Variants in CSPG4 observed in about 807,000 individuals in gnomAD.
The protein encoded by CSPG4 is chondroitin sulfate proteoglycan 4 (melanoma-associated).
CSPG4 carries 74 observed loss-of-function variants against 139.3 expected under a neutral mutation model. The observed-to-expected ratio is 0.53, with a 90% CI of 0.44 to 0.64. The LOEUF (loss-of-function observed/expected upper bound fraction) is 0.64, where lower values mean the gene tolerates loss of function less well. Ranked by LOEUF, CSPG4 falls within the 30% of genes least tolerant of loss-of-function variation. CSPG4 has a pLI of 0.00. For synonymous variants in CSPG4, 1,234 were observed against 1,394.2 expected (o/e 0.89, Z 2.56); for missense variants, 2,565 against 3,148.3 (o/e 0.81, Z 4.43).
Position 75,676,551 on chromosome 15 carries a change from G to C in CSPG4, c.5968C>G (p.Leu1990Val). The change falls in exon 10 of 10, where the codon CTC becomes GTC. Residue 1990 changes from leucine to valine, a missense_variant. Around this residue, in one of 5 missense-constraint regions of CSPG4, gnomAD observed 2,316 missense variants for 2,818.2 expected, o/e 0.82. Coordinates refer to ENST00000308508, the MANE Select transcript of CSPG4 (RefSeq NM_001897.5). ...RLIQGPQYGH[L>V]LVGGRPTSAF... ...GAGGTGGGCCGCCCGCCCACCAGGA[G>C]ATGCCCATACTGGGGTCCCTGGATG... The C allele has an allele frequency of 6.2e-7, 1 of 1,613,742 alleles. No homozygotes were observed. The highest frequency in any genetic ancestry group is 8.5e-7 in the Non-Finnish European group (1 of 1,179,968).
rs927376755 is a variant in CSPG4 at position 75,685,823 on chromosome 15, C to T, written c.3790-122G>A. 8.3e-6 allele frequency: 9 copies of T among 1,078,538 alleles called. No individual in the cohort carries two copies. The Admixed American group carries it at 1.4e-4, about 17-fold the overall frequency. 66.8% of individuals were successfully genotyped at this position (1,078,538 alleles called of 1,614,324 possible). A position where few individuals can be genotyped will look rare whatever the true frequency, so the allele number is the denominator to read the frequency against. On this transcript the variant is annotated intron_variant, in intron 3 of 9. Transcript: ENST00000308508. The stretch of plus-strand genomic sequence containing the variant: ...GCCCCACTTATTCCTCTAGATACCA[C>T]TGCTCATTTAGACACACAAACACAC...
In CSPG4 at chr15:75,690,172, A is replaced by C; in HGVS notation, c.893T>G (p.Ile298Ser). The change falls in exon 3 of 10, where the codon ATC (isoleucine) becomes AGC (serine). Residue 298 changes from isoleucine to serine, a missense_variant. This residue lies in a region of CSPG4 where 2,316 missense variants were observed against 2,818.2 expected (regional missense o/e 0.82). Coordinates refer to ENST00000308508, the MANE Select transcript of CSPG4 (RefSeq NM_001897.5). ...ATGCGTAGGGTACTGGTCCACGGAG[A>C]TTTCCAGCCGGTGAGCATTGATGTG... ...SVHINAHRLEISVDQYPTHTS... is the reference protein window; with the variant it reads ...SVHINAHRLESSVDQYPTHTS... The C allele has an allele frequency of 6.2e-7, 1 of 1,600,456 alleles. No individual in the cohort carries two copies. The highest frequency in any genetic ancestry group is 8.5e-7 in the Non-Finnish European group (1 of 1,177,330).
intron 1 of CSPG4, among the ~76,000 whole-genome samples, chr15:75,695,435 T>C (rs1894213251): frequency 6.6e-6 from 1 of 152,142 alleles, no homozygotes; most frequent in Non-Finnish European, 1.5e-5. Context: ...GCCCTGCTGC[T>C]TCCTGTGGGG....
chr15:75,707,662 A>G (rs569153291), intron 1 of CSPG4, among the ~76,000 whole-genome samples: 1 of 152,352 alleles, frequency 6.6e-6, no homozygotes, highest in East Asian at 1.9e-4. Context: ...CTTAGTACCA[A>G]TCTTCATGGA....
chr15:75,685,850 C>T (rs1314003418), intron 3 of CSPG4, 149 bp from the exon 4 acceptor site: 8 of 878,612 alleles, frequency 9.1e-6, no homozygotes, highest in South Asian at 5.5e-5. Context: ...CAAACACACA[C>T]GTGGGTTCAC....
chr15:75,682,845 C>G lies in CSPG4; in HGVS notation c.4646G>C (p.Arg1549Thr), dbSNP rs1222786399. The change falls in exon 6 of 10, where the codon AGA becomes ACA. Residue 1549 changes from arginine to threonine, a missense_variant and splice_region_variant. This residue lies in a region of CSPG4 where 2,316 missense variants were observed against 2,818.2 expected (regional missense o/e 0.82). Transcript: ENST00000308508. The stretch of plus-strand genomic sequence containing the variant: ...GAGGCCCGGCCCTCAGCACCCACCT[C>G]TGTGTGAGAACAGCACGAGCCCGCC... ...LDGGLVLFSHRGTLDGGFRFR... is the reference protein window; with the variant it reads ...LDGGLVLFSHTGTLDGGFRFR... The G allele has an allele frequency of 3.7e-6, 6 of 1,608,852 alleles. No individual in the cohort carries two copies. In the South Asian group the frequency reaches 5.5e-5, roughly 15 times the overall value.
intron 1 of CSPG4, among the ~76,000 whole-genome samples, chr15:75,706,391 GTGTA>G (rs1894372817): frequency 6.6e-6 from 1 of 152,160 alleles, no homozygotes; most frequent in African/African-American, 2.4e-5. Flanking sequence ...GTGTGTGAGT[GTGTA>G]TGTGTGAGTG....
chr15:75,702,584 G>A (rs967772616), intron 1 of CSPG4, among the ~76,000 whole-genome samples: 4 of 152,086 alleles, frequency 2.6e-5, no homozygotes, highest in African/African-American at 4.8e-5. Context: ...CTGGGAGCTC[G>A]CCCCAGCCCT....
At chr15:75,697,080 C>T (rs565349550) in intron 1 of CSPG4, among the ~76,000 whole-genome samples, 1 of 152,174 alleles carries the variant, frequency 6.6e-6, no homozygotes, top group Admixed American at 6.5e-5. Flanking sequence ...GCCCCACCTT[C>T]CCCAGCCAGG....
intron 1 of CSPG4, among the ~76,000 whole-genome samples, chr15:75,701,547 C>G (rs1459244309): frequency 6.6e-6 from 1 of 152,124 alleles, no homozygotes; most frequent in Non-Finnish European, 1.5e-5. Context: ...CTGCCTAGCA[C>G]CCCCACCTGC....
intron 1 of CSPG4, among the ~76,000 whole-genome samples, chr15:75,694,750 G>A (rs1370659499): frequency 1.3e-5 from 2 of 152,246 alleles, no homozygotes; most frequent in South Asian, 2.1e-4. Flanking sequence ...GGGAAGCTAC[G>A]GGAATCAAGG....
In CSPG4 at chr15:75,675,472, C is replaced by T. The variant is rs1436292813; in HGVS notation, c.*78G>A. 17 of 1,382,194 alleles carry T rather than the reference C, an allele frequency of 1.2e-5. No individual in the cohort carries two copies. Among genetic ancestry groups the T allele is most frequent in the African/African-American group, 5.8e-5 (4 of 68,668 alleles). The allele number at this position is 1,382,194 out of a possible 1,614,324, so 85.6% of individuals were successfully genotyped here. A position where few individuals can be genotyped will look rare whatever the true frequency, so the allele number is the denominator to read the frequency against. ...TGCTCTGGGGATACTCAGACAGCAC[C>T]AGGCATGGAAGCAATGGGGCCCGGG... On this transcript the variant is annotated 3_prime_UTR_variant, in exon 10 of 10. Coordinates refer to ENST00000308508, the MANE Select transcript of CSPG4 (RefSeq NM_001897.5).
rs1295811722 is a variant in CSPG4 at position 75,675,661 on chromosome 15, G to A, written c.6858C>T (p.Leu2286=). Residue 2286 remains leucine, a synonymous_variant, in exon 10 of 10, where the codon CTC becomes CTT. Coordinates refer to ENST00000308508, the MANE Select transcript of CSPG4 (RefSeq NM_001897.5). ...GGGGCCCCTGGCCAGGCACAGCTGT[G>A]AGCGGGATGGCCTGGCCTGGCTCCA... ...RKVEPGQAIP[L]TAVPGQGPPP... 22 of 1,538,432 alleles carry A rather than the reference G, an allele frequency of 1.4e-5. No homozygotes were observed. Among genetic ancestry groups the A allele is most frequent in the Non-Finnish European group, 1.8e-5 (20 of 1,141,098 alleles).
At position 75,690,031 on chromosome 15, in the gene CSPG4, T is replaced by C. The variant is rs147456240; in HGVS notation, c.1034A>G (p.Glu345Gly). The change falls in exon 3 of 10, where the codon GAG (glutamate) becomes GGG (glycine). Residue 345 changes from glutamate (E) to glycine (G), a missense_variant. Glu to Gly is a moderately conservative substitution (Grantham distance 98). Coordinates refer to ENST00000308508, the MANE Select transcript of CSPG4 (RefSeq NM_001897.5). ...GCCCAGCAGGGAGGCATTGGTGGCCTCTGGTGTCAGGCCCAGGCGGTGTTC... is the reference window on the plus strand; with the variant it reads ...GCCCAGCAGGGAGGCATTGGTGGCCCCTGGTGTCAGGCCCAGGCGGTGTTC... ...LQEHRLGLTP[E>G]ATNASLLGCM... The C allele has an allele frequency of 1.1e-4, 174 of 1,610,538 alleles. 2 individuals carry two copies. The highest frequency in any genetic ancestry group is 2.4e-4 in the South Asian group (22 of 90,734).
intron 1 of CSPG4, among the ~76,000 whole-genome samples, chr15:75,701,937 G>A (rs1365426446): frequency 6.6e-6 from 1 of 152,162 alleles, no homozygotes; most frequent in Non-Finnish European, 1.5e-5. Flanking sequence ...TAATACTCAG[G>A]TTCCATCCAT....
intron 1 of CSPG4, among the ~76,000 whole-genome samples, chr15:75,704,035 G>T (rs1212941433): frequency 1.7e-5 from 2 of 114,870 alleles, no homozygotes; most frequent in Admixed American, 8.9e-5. Flanking sequence ...GAGCCCCAGG[G>T]CTCCATGCCA....
chr15:75,695,209 A>G (rs1292763988), intron 1 of CSPG4, among the ~76,000 whole-genome samples: 1 of 152,030 alleles, frequency 6.6e-6, no homozygotes, highest in East Asian at 1.9e-4. Flanking sequence ...CCCTTGCACT[A>G]AAGGTATATG....
intron 8 of CSPG4, 139 bp downstream of exon 8, chr15:75,682,154 C>T (rs959294413): frequency 4.1e-5 from 46 of 1,115,834 alleles, no homozygotes; most frequent in South Asian, 1.2e-4. Flanking sequence ...AGGACACTAG[C>T]GCCTGGACAA....
At position 75,675,304 on chromosome 15, in the gene CSPG4, T is replaced by G. The variant is rs908090505; in HGVS notation, c.*246A>C. The stretch of plus-strand genomic sequence containing the variant: ...CAGCTCCAGGGCAGGAGGACTGAAC[T>G]TAAGCCTGCCTCCACCTTGGCCCCT... On this transcript the variant is annotated 3_prime_UTR_variant, in exon 10 of 10. Transcript: ENST00000308508. The G allele has an allele frequency of 2.6e-6, 1 of 389,726 alleles. No homozygotes were observed. Among genetic ancestry groups the G allele is most frequent in the African/African-American group, 2.1e-5 (1 of 48,408 alleles). 24.1% of individuals were successfully genotyped at this position (389,726 alleles called of 1,614,324 possible).
Sources: allele counts gnomAD v4.1 joint callset (sites outside exome capture counted in the v4.1 genomes callset), GRCh38; gene constraint gnomAD v4.1.1; regional missense constraint gnomAD v4.1.1; transcripts MANE v1.5; gene names NCBI Gene and HGNC (gene_info 2026-07-23, HGNC 2026-07-21).